The following HTR2C variants were observed in gnomAD, a reference collection of about 807,000 sequenced individuals.
The protein encoded by HTR2C is 5-hydroxytryptamine (serotonin) receptor 2C, G protein-coupled.
A neutral mutation model predicts 21.0 loss-of-function variants in HTR2C; 5 were observed. The ratio of observed to expected loss-of-function variants is 0.24; its 90% confidence interval spans 0.12 to 0.50. The LOEUF (loss-of-function observed/expected upper bound fraction) is 0.50. Among genes scored for constraint, HTR2C ranks in the 20% least tolerant of loss-of-function variants. HTR2C has a pLI of 0.98. For synonymous variants in HTR2C, 150 were observed against 145.3 expected, an observed-to-expected ratio of 1.03 and a Z score of -0.23; for missense variants, 271 against 371.2, an observed-to-expected ratio of 0.73 and a Z score of 2.22.
chrX:114,897,499 C>G (rs1347088996), intron 5 of HTR2C, among the ~76,000 whole-genome samples: 4 of 111,048 alleles, frequency 3.6e-5, no homozygotes, highest in Non-Finnish European at 7.5e-5. Flanking sequence ...CTACACAGAT[C>G]ATCCCATCAC....
chrX:114,895,088 G>A (rs1023243525), intron 5 of HTR2C, among the ~76,000 whole-genome samples: 47 of 111,490 alleles, frequency 4.2e-4, no homozygotes, highest in African/African-American at 1.3e-3. Flanking sequence ...AATATGCATT[G>A]ATCTCAGAAA....
intron 1 of HTR2C, among the ~76,000 whole-genome samples, chrX:114,595,875 T>C (rs1290765958): frequency 8.9e-6 from 1 of 111,967 alleles, no homozygotes; most frequent in Non-Finnish European, 1.9e-5. Flanking sequence ...GGTTGCACTT[T>C]AGCCAAACAA....
intron 1 of HTR2C, among the ~76,000 whole-genome samples, chrX:114,598,015 C>T (rs1927933108): frequency 9.0e-6 from 1 of 111,435 alleles, no homozygotes; most frequent in African/African-American, 3.3e-5. Flanking sequence ...TACTTCAGGG[C>T]TTCCCAGAAG....
chrX:114,607,993 A>G (rs1336988892), intron 1 of HTR2C, among the ~76,000 whole-genome samples: 4 of 111,550 alleles, frequency 3.6e-5, no homozygotes, highest in African/African-American at 1.3e-4. Context: ...CCTCAAAAAA[A>G]ACAAAATCTA....
intron 1 of HTR2C, among the ~76,000 whole-genome samples, chrX:114,591,780 C>T (rs963407095): frequency 1.2e-4 from 13 of 112,133 alleles, no homozygotes; most frequent in African/African-American, 4.2e-4. Flanking sequence ...GTACATTTAA[C>T]ACTTTGTTGG....
At chrX:114,704,453 A>G (rs1932693335) in intron 2 of HTR2C, among the ~76,000 whole-genome samples, 1 of 111,963 alleles carries the variant, frequency 8.9e-6, no homozygotes, top group Non-Finnish European at 1.9e-5. Flanking sequence ...AACCAAAGTC[A>G]AAAACCACAT....
At chrX:114,740,313 T>C (rs1556425122) in intron 4 of HTR2C, among the ~76,000 whole-genome samples, 5 of 109,952 alleles carry the variant, frequency 4.5e-5, no homozygotes. Flanking sequence ...CAAGCTTGAA[T>C]TGCACTGTGG....
chrX:114,893,930 T>A (rs2071276870), intron 5 of HTR2C, among the ~76,000 whole-genome samples: 1 of 112,089 alleles, frequency 8.9e-6, no homozygotes, highest in East Asian at 2.8e-4. Context: ...TATGAGACAT[T>A]GTTCAGTGTC....
chrX:114,635,346 G>T (rs1395170592), intron 2 of HTR2C, among the ~76,000 whole-genome samples: 1 of 112,079 alleles, frequency 8.9e-6, no homozygotes, highest in Non-Finnish European at 1.9e-5. Flanking sequence ...GTTAAGGCTA[G>T]TTTAATGGAG....
chrX:114,767,061 T>C (rs1454640663), intron 4 of HTR2C, among the ~76,000 whole-genome samples: 2 of 111,647 alleles, frequency 1.8e-5, no homozygotes, highest in Non-Finnish European at 3.8e-5. Flanking sequence ...AATTTTTATT[T>C]TCATCCTGTT....
chrX:114,604,303 TA>T (rs1275665268), intron 1 of HTR2C, among the ~76,000 whole-genome samples: 1 of 109,863 alleles, frequency 9.1e-6, no homozygotes, highest in Admixed American at 9.7e-5. Flanking sequence ...TGGGGATAAC[TA>T]AAAAGGAGTG....
chrX:114,830,908 T>C (rs1556460600), intron 4 of HTR2C, among the ~76,000 whole-genome samples: 1 of 74,708 alleles, frequency 1.3e-5, no homozygotes, highest in Admixed American at 1.9e-4. Flanking sequence ...CCATGTGATC[T>C]CATTGTTCAA....
At chrX:114,892,849 A>C (rs34466254) in intron 5 of HTR2C, among the ~76,000 whole-genome samples, 1 of 110,050 alleles carries the variant, frequency 9.1e-6, no homozygotes, top group African/African-American at 3.3e-5. Context: ...TATTAATCCA[A>C]AAATAATCAC....
At chrX:114,603,968 G>T (rs1352654943) in intron 1 of HTR2C, among the ~76,000 whole-genome samples, 1 of 104,198 alleles carries the variant, frequency 9.6e-6, no homozygotes, top group African/African-American at 3.5e-5. Flanking sequence ...AGAGTTTATA[G>T]GCTTTAAAAG....
chrX:114,827,605 G>A (rs1556458968), intron 4 of HTR2C, among the ~76,000 whole-genome samples: 1 of 110,309 alleles, frequency 9.1e-6, no homozygotes, highest in East Asian at 2.8e-4. Flanking sequence ...TTTTCCTTTA[G>A]TGTAATTTCC....
intron 2 of HTR2C, among the ~76,000 whole-genome samples, chrX:114,654,267 A>G (rs782709066): frequency 8.3e-5 from 9 of 107,816 alleles, no homozygotes; most frequent in East Asian, 2.9e-4. Context: ...GTATGTGTGT[A>G]TATGTGTATA....
At chrX:114,623,607 T>A (rs1929249759) in intron 2 of HTR2C, among the ~76,000 whole-genome samples, 1 of 111,813 alleles carries the variant, frequency 8.9e-6, no homozygotes, top group African/African-American at 3.2e-5. Flanking sequence ...ATAATGAACT[T>A]GATGTTTATC....
At chrX:114,785,089 A>T (rs1351184200) in intron 4 of HTR2C, among the ~76,000 whole-genome samples, 2 of 112,145 alleles carry the variant, frequency 1.8e-5, no homozygotes, top group African/African-American at 6.5e-5. Context: ...GAGAACACTG[A>T]CTTAATGGGT....
chrX:114,805,876 C>CCATATATAT (rs1569495636), intron 4 of HTR2C, among the ~76,000 whole-genome samples: 7 of 9,732 alleles, frequency 7.2e-4, no homozygotes, highest in African/African-American at 2.1e-3. Flanking sequence ...CATATATATA[C>CCATATATAT]ACCATATGTA....
Sources: allele counts gnomAD v4.1 joint callset (sites outside exome capture counted in the v4.1 genomes callset), GRCh38; gene constraint gnomAD v4.1.1; transcripts MANE v1.5; gene names NCBI Gene and HGNC (gene_info 2026-07-23, HGNC 2026-07-21).